The following RAD51B variants were observed in gnomAD, a reference collection of about 807,000 sequenced individuals.
The protein encoded by RAD51B is RAD51 paralog B.
A neutral mutation model predicts 42.2 loss-of-function variants in RAD51B; 38 were observed. The observed-to-expected ratio is 0.90, with a 90% confidence interval of 0.70 to 1.18. The LOEUF (loss-of-function observed/expected upper bound fraction) is 1.18. Ranked by LOEUF, RAD51B falls within the 50% of genes most tolerant of loss-of-function variation. RAD51B has a pLI of 0.00. For missense variants in RAD51B, 373 were observed against 400.7 expected, an observed-to-expected ratio of 0.93 and a Z score of 0.59; for synonymous variants, 154 against 145.2, an observed-to-expected ratio of 1.06 and a Z score of -0.43.
At chr14:68,254,558 G>A (rs1015829591) in intron 7 of RAD51B, among the ~76,000 whole-genome samples, 5 of 151,864 alleles carry the variant, frequency 3.3e-5, no homozygotes, top group East Asian at 3.8e-4. Flanking sequence ...TTCTTTATAC[G>A]CATCACTACT....
chr14:68,195,461 CTT>C (rs2079350044), intron 7 of RAD51B, among the ~76,000 whole-genome samples: 2 of 152,128 alleles, frequency 1.3e-5, no homozygotes, highest in Non-Finnish European at 2.9e-5. Context: ...AGCTTTCAGA[CTT>C]TTTTGAGGAT....
At chr14:68,429,191 T>C (rs1301064066) in intron 9 of RAD51B, among the ~76,000 whole-genome samples, 1 of 152,164 alleles carries the variant, frequency 6.6e-6, no homozygotes, top group African/African-American at 2.4e-5. Flanking sequence ...TCTTTGCTAT[T>C]GTGTATAGTG....
intron 7 of RAD51B, among the ~76,000 whole-genome samples, chr14:67,955,415 T>C (rs972135173): frequency 1.3e-5 from 2 of 152,184 alleles, no homozygotes; most frequent in African/African-American, 2.4e-5. Flanking sequence ...GGAGTAGTTG[T>C]AGGAATGTAG....
chr14:68,379,943 G>T (rs900691266), intron 8 of RAD51B, among the ~76,000 whole-genome samples: 2 of 152,206 alleles, frequency 1.3e-5, no homozygotes, highest in African/African-American at 4.8e-5. Flanking sequence ...TAAACATAGA[G>T]TGTGTACTCA....
intron 7 of RAD51B, among the ~76,000 whole-genome samples, chr14:67,957,555 G>A (rs1275868458): frequency 6.6e-6 from 1 of 152,076 alleles, no homozygotes; most frequent in East Asian, 1.9e-4. Flanking sequence ...AAATGAAGAT[G>A]GCCAGAGGAA....
chr14:68,462,563 G>C (rs1367332066), intron 9 of RAD51B, among the ~76,000 whole-genome samples: 1 of 152,152 alleles, frequency 6.6e-6, no homozygotes, highest in Non-Finnish European at 1.5e-5. Flanking sequence ...TGGATAGTTG[G>C]ATCAATTAAT....
chr14:67,900,548 A>G (rs772622036), intron 7 of RAD51B, among the ~76,000 whole-genome samples: 6 of 151,212 alleles, frequency 4.0e-5, no homozygotes, highest in Non-Finnish European at 8.8e-5. Flanking sequence ...AGGAGCTTAA[A>G]ACTTAAAGTA....
intron 7 of RAD51B, among the ~76,000 whole-genome samples, chr14:67,981,262 G>T (rs1201229570): frequency 6.6e-6 from 1 of 152,126 alleles, no homozygotes; most frequent in Non-Finnish European, 1.5e-5. Flanking sequence ...CAATTATTAT[G>T]TGTCAACTAA....
rs569414011 is a variant in RAD51B at position 67,838,708 on chromosome 14, C to T, written c.315+3512C>T. On this transcript the variant is annotated intron_variant, in intron 4 of 10. Transcript: ENST00000471583. ...GATCCTTTCTGCCCTGGCCTCCCAA[C>T]GTGTTGGGATTACAGGTGTGAGCTA... Among the ~76,000 whole-genome samples the T allele has an allele frequency of 1.8e-4, 27 of 151,922 alleles. No individual in the cohort carries two copies. In the East Asian group the frequency reaches 2.9e-3, roughly 16 times the overall value.
At chr14:68,185,612 C>T (rs894339933) in intron 7 of RAD51B, among the ~76,000 whole-genome samples, 1 of 151,952 alleles carries the variant, frequency 6.6e-6, no homozygotes, top group African/African-American at 2.4e-5. Flanking sequence ...GCCTATGGTC[C>T]CCAACCTTTT....
chr14:68,656,318 T>A (rs1239601471), intron 11 of RAD51B, among the ~76,000 whole-genome samples: 2 of 152,170 alleles, frequency 1.3e-5, no homozygotes, highest in Non-Finnish European at 2.9e-5. Context: ...ACTATAGGTA[T>A]CCTGCCTACC....
At chr14:68,547,805 T>C (rs909312609) in intron 10 of RAD51B, among the ~76,000 whole-genome samples, 5 of 152,146 alleles carry the variant, frequency 3.3e-5, no homozygotes, top group Non-Finnish European at 1.5e-5. Context: ...TCCCTGTCAT[T>C]CCTGGCCTCA....
At chr14:68,355,127 G>A (rs1372407950) in intron 8 of RAD51B, among the ~76,000 whole-genome samples, 2 of 152,192 alleles carry the variant, frequency 1.3e-5, no homozygotes, top group African/African-American at 4.8e-5. Flanking sequence ...CTCCCATACT[G>A]TAGAGATGGC....
chr14:67,887,247 G>C (rs1485764913), intron 7 of RAD51B, 43 bp downstream of exon 7: 1 of 1,478,156 alleles, frequency 6.8e-7, no homozygotes, highest in African/African-American at 1.4e-5. Flanking sequence ...CCTTTCTTTT[G>C]TTTCTTTTAT....
intron 7 of RAD51B, among the ~76,000 whole-genome samples, chr14:68,212,129 T>C (rs934897369): frequency 1.1e-4 from 16 of 152,322 alleles, no homozygotes; most frequent in Admixed American, 9.1e-4. Context: ...ACTGACAAGG[T>C]CAAATTTCTG....
chr14:67,918,139 T>G (rs542416764), intron 7 of RAD51B, among the ~76,000 whole-genome samples: 10 of 152,218 alleles, frequency 6.6e-5, no homozygotes, highest in Admixed American at 3.9e-4. Context: ...ACAGAAATAT[T>G]AAAAATAATG....
chr14:67,915,556 G>A (rs575673432), intron 7 of RAD51B, among the ~76,000 whole-genome samples: 1 of 152,320 alleles, frequency 6.6e-6, no homozygotes, highest in Non-Finnish European at 1.5e-5. Context: ...AAGGAAGATA[G>A]CATGAGGATC....
chr14:67,879,448 GT>G (rs961489084), intron 5 of RAD51B, among the ~76,000 whole-genome samples: 11 of 147,386 alleles, frequency 7.5e-5, no homozygotes, highest in Admixed American at 1.4e-4. Flanking sequence ...TTTGTTTTTT[GT>G]TTTTTTTTTA....
intron 11 of RAD51B, among the ~76,000 whole-genome samples, chr14:68,665,609 T>C (rs1595054137): frequency 6.6e-6 from 1 of 152,232 alleles, no homozygotes; most frequent in Non-Finnish European, 1.5e-5. Context: ...TGTATGGCCC[T>C]GGCAGTGGTG....
Sources: allele counts gnomAD v4.1 joint callset (sites outside exome capture counted in the v4.1 genomes callset), GRCh38; gene constraint gnomAD v4.1.1; transcripts MANE v1.5; gene names NCBI Gene and HGNC (gene_info 2026-07-23, HGNC 2026-07-21).